FBLN2: variants seen among roughly 807,000 people sequenced by gnomAD.
FBLN2 encodes the protein fibulin-2.
A neutral mutation model predicts 123.7 loss-of-function variants in FBLN2; 81 were observed. That is an observed-to-expected ratio of 0.65 (90% CI 0.55 to 0.79). The LOEUF (loss-of-function observed/expected upper bound fraction) is 0.79, where lower values mean the gene tolerates loss of function less well. FBLN2 is among the 30% of genes least tolerant of loss of function. The probability of loss-of-function intolerance (pLI) is 0.00; values close to 1 mark genes in which losing one functional copy is unlikely to be tolerated. For missense variants in FBLN2, 1,603 were observed against 1,681.3 expected, an observed-to-expected ratio of 0.95 and a Z score of 0.81; for synonymous variants, 699 against 701.4, an observed-to-expected ratio of 1.00 and a Z score of 0.05.
Position 13,571,157 on chromosome 3 carries a change from G to T in FBLN2, c.802G>T (p.Ala268Ser). 5 of 1,558,492 alleles carry T rather than the reference G, an allele frequency of 3.2e-6. No homozygotes were observed. Among genetic ancestry groups the T allele is most frequent in the Non-Finnish European group, 4.3e-6 (5 of 1,152,020 alleles). Residue 268 changes from alanine to serine, a missense_variant, in exon 2 of 18, where the codon GCC becomes TCC. Transcript: ENST00000404922. ...CCTGGGTCCCCCAGCCCCAGTGCAGGCCAAAGCTAGGAGAGTGACCGAGGA... is the reference window on the plus strand; with the variant it reads ...CCTGGGTCCCCCAGCCCCAGTGCAGTCCAAAGCTAGGAGAGTGACCGAGGA... ...AALGPPAPVQ[A>S]KARRVTEDSE...
intron 1 of FBLN2, among the ~76,000 whole-genome samples, chr3:13,553,664 A>C (rs535439766): frequency 1.3e-5 from 2 of 152,230 alleles, no homozygotes; most frequent in African/African-American, 4.8e-5. Context: ...TTGCAAAGCA[A>C]GTGCTGGTTT....
chr3:13,593,232 T>C (rs1279066126), intron 2 of FBLN2, among the ~76,000 whole-genome samples: 3 of 152,274 alleles, frequency 2.0e-5, no homozygotes, highest in African/African-American at 7.2e-5. Context: ...CTCTGGAGGG[T>C]TGGATCTTCA....
intron 2 of FBLN2, among the ~76,000 whole-genome samples, chr3:13,580,756 C>T (rs890460118): frequency 5.9e-5 from 9 of 152,228 alleles, no homozygotes; most frequent in Admixed American, 2.6e-4. Context: ...GGACACACCT[C>T]GGCCATGTAT....
At chr3:13,592,373 A>G (rs556701933) in intron 2 of FBLN2, among the ~76,000 whole-genome samples, 2 of 152,250 alleles carry the variant, frequency 1.3e-5, no homozygotes, top group East Asian at 3.9e-4. Context: ...TCTTTGCACC[A>G]TTACCACTCT....
At chr3:13,575,237 A>G (rs1420613417) in intron 2 of FBLN2, among the ~76,000 whole-genome samples, 1 of 152,206 alleles carries the variant, frequency 6.6e-6, no homozygotes, top group Non-Finnish European at 1.5e-5. Flanking sequence ...CATAAGCCGC[A>G]TGCTCAGATT....
chr3:13,628,448 G>A (rs747549795), intron 11 of FBLN2, among the ~76,000 whole-genome samples: 1 of 152,138 alleles, frequency 6.6e-6, no homozygotes, highest in African/African-American at 2.4e-5. Context: ...CGTACTCGAG[G>A]GTTGAGACTT....
intron 4 of FBLN2, 45 bp downstream of exon 4, chr3:13,609,687 G>GGGGGGGGGGGGGGGC: frequency 4.3e-6 from 2 of 463,678 alleles, no homozygotes; most frequent in Non-Finnish European, 4.3e-6. Context: ...GGTGGGGCGG[G>GGGGGGGGGGGGGGGC]GCGGGAGGCT....
intron 2 of FBLN2, among the ~76,000 whole-genome samples, chr3:13,602,833 G>A (rs1184281956): frequency 1.3e-5 from 2 of 151,904 alleles, no homozygotes; most frequent in Non-Finnish European, 2.9e-5. Context: ...TGTCTAGGAA[G>A]ATGAAACCAT....
chr3:13,570,281 C>T (rs1032677442), intron 1 of FBLN2, 34 bp from the exon 2 acceptor site: 1 of 1,451,594 alleles, frequency 6.9e-7, no homozygotes, highest in South Asian at 1.4e-5. Flanking sequence ...TGTGCACACC[C>T]AGTACTGACA....
chr3:13,621,685 C>T, intron 8 of FBLN2, 90 bp from the exon 9 acceptor site: 1 of 1,445,770 alleles, frequency 6.9e-7, no homozygotes, highest in South Asian at 1.3e-5. Flanking sequence ...CTGCCCCTTG[C>T]TGGGTCTCAT....
chr3:13,563,102 T>C (rs1425680622), intron 1 of FBLN2, among the ~76,000 whole-genome samples: 3 of 152,346 alleles, frequency 2.0e-5, no homozygotes, highest in African/African-American at 4.8e-5. Flanking sequence ...TGCGCAAATA[T>C]TATTTTTAAA....
intron 2 of FBLN2, among the ~76,000 whole-genome samples, chr3:13,600,488 C>A (rs1421686018): frequency 1.3e-5 from 2 of 152,110 alleles, no homozygotes; most frequent in Non-Finnish European, 2.9e-5. Flanking sequence ...TGGTTAGAGT[C>A]CCAGAGACGA....
At position 13,571,723 on chromosome 3, in the gene FBLN2, G is replaced by T; in HGVS notation, c.1306+62G>T. On this transcript the variant is annotated intron_variant, in intron 2 of 17. Transcript: ENST00000404922. ...GTGGGAAGGGCAGCCTTGGGCTCTG[G>T]CCGCTGCCCCAGGTCTCTGCCTGGG... The T allele has an allele frequency of 8.2e-6, 12 of 1,463,408 alleles. 2 individuals carry two copies. In the South Asian group the frequency reaches 1.1e-4, roughly 14 times the overall value. 90.7% of individuals were successfully genotyped at this position (1,463,408 alleles called of 1,614,324 possible).
Position 13,618,223 on chromosome 3 carries a change from C to T in FBLN2, c.1877C>T (p.Ser626Phe). 1 of 1,613,942 alleles carries T rather than the reference C, an allele frequency of 6.2e-7. No homozygotes were observed. The highest frequency in any genetic ancestry group is 1.3e-5 in the African/African-American group (1 of 75,072). ...CQHLCINTVGSYHCACFPGFS... is the reference protein window; with the variant it reads ...CQHLCINTVGFYHCACFPGFS... ...CACCTTTGCATCAATACTGTGGGTT[C>T]TTACCACTGTGCCTGCTTTCCTGGC... Residue 626 changes from serine to phenylalanine, a missense_variant, in exon 6 of 18, where the codon TCT (serine) becomes TTT (phenylalanine). Coordinates refer to ENST00000404922, the MANE Select transcript of FBLN2 (RefSeq NM_001004019.2).
intron 2 of FBLN2, among the ~76,000 whole-genome samples, chr3:13,599,075 C>G (rs1283493072): frequency 6.6e-6 from 1 of 152,202 alleles, no homozygotes; most frequent in Non-Finnish European, 1.5e-5. Flanking sequence ...GAGTCTCACT[C>G]CAGAGAGAGG....
chr3:13,626,371 C>T (rs1293953287), intron 9 of FBLN2, 74 bp from the exon 10 acceptor site: 3 of 1,424,798 alleles, frequency 2.1e-6, no homozygotes, highest in African/African-American at 1.4e-5. Flanking sequence ...TCCTGGTGGC[C>T]CAAGGTCTGC....
chr3:13,599,958 G>C (rs989050676), intron 2 of FBLN2, among the ~76,000 whole-genome samples: 1 of 151,274 alleles, frequency 6.6e-6, no homozygotes, highest in Non-Finnish European at 1.5e-5. Flanking sequence ...TTGGAGAAGA[G>C]AAGAAGCCCC....
At position 13,637,929 on chromosome 3, in the gene FBLN2, A is replaced by C. The variant is rs747650824; in HGVS notation, c.*10A>C. 8.9e-6 allele frequency: 14 copies of C among 1,566,242 alleles called. No individual in the cohort carries two copies. The East Asian group carries it at 1.6e-4, about 18-fold the overall frequency. ...CACCTTTGCCCTGTGAGGTGCCAGC[A>C]CGGGCCACCTGCGGGTGTGGCGCAG... On this transcript the variant is annotated 3_prime_UTR_variant, in exon 18 of 18. Transcript: ENST00000404922.
Position 13,570,342 on chromosome 3 carries a change from G to T in FBLN2, c.-14G>T. ...TCTTACAGGAGAGGGGACCGTCCTG[G>T]GCTGGCCTGGACCATGGTGCTGCTC... On this transcript the variant is annotated 5_prime_UTR_variant, in exon 2 of 18. Transcript: ENST00000404922. 6.5e-7 allele frequency: 1 copy of T among 1,529,582 alleles called. No homozygotes were observed. The highest frequency in any genetic ancestry group is 8.8e-7 in the Non-Finnish European group (1 of 1,134,682). 94.8% of individuals were successfully genotyped at this position (1,529,582 alleles called of 1,614,324 possible). A position where few individuals can be genotyped will look rare whatever the true frequency, so the allele number is the denominator to read the frequency against.
Sources: gnomAD v4.1 joint callset for allele counts (sites outside exome capture counted in the v4.1 genomes callset) on GRCh38, gnomAD v4.1.1 for gene constraint, MANE v1.5 for transcripts, NCBI Gene and HGNC (gene_info 2026-07-23, HGNC 2026-07-21) for gene names.